Variants in PRKAG2 observed in about 807,000 individuals in gnomAD.
PRKAG2 encodes protein kinase AMP-activated non-catalytic subunit gamma 2.
In PRKAG2, 26 loss-of-function variants were observed where a neutral mutation model predicts 69.6. The ratio of observed to expected loss-of-function variants is 0.37; its 90% CI spans 0.27 to 0.52. The LOEUF is 0.52. PRKAG2 is among the 20% of genes least tolerant of loss of function. The pLI, the probability that PRKAG2 is intolerant of heterozygous loss-of-function variation, is 0.90. For synonymous variants in PRKAG2, 293 were observed against 285.0 expected (o/e 1.03, Z -0.28); for missense variants, 557 against 740.0 (o/e 0.75, Z 2.87).
rs1412912414 is a variant in PRKAG2, at chr7:151,736,193, C to G, written c.466+44959G>C. The stretch of plus-strand genomic sequence containing the variant: ...CCAGGGGGTCTTCAGGGCGACCTCA[C>G]CGCAGCCCCAGAGTCTGTGAGGCGC... On this transcript the variant is annotated intron_variant, in intron 3 of 15. Transcript: ENST00000287878. 2.8e-6 allele frequency: 4 copies of G among 1,416,622 alleles called. No individual in the cohort carries two copies. The African/African-American group carries it at 5.8e-5, about 20-fold the overall frequency. The allele number at this position is 1,416,622 out of a possible 1,614,324, so 87.8% of individuals were successfully genotyped here. A position where few individuals can be genotyped will look rare whatever the true frequency, so the allele number is the denominator to read the frequency against.
intron 1 of PRKAG2, among the ~76,000 whole-genome samples, chr7:151,815,562 G>A (rs2078616621): frequency 6.6e-6 from 1 of 152,162 alleles, no homozygotes; most frequent in Non-Finnish European, 1.5e-5. Flanking sequence ...TCTCTTGCCT[G>A]CATCTCCCCC....
intron 1 of PRKAG2, among the ~76,000 whole-genome samples, chr7:151,851,919 G>C (rs1241778693): frequency 6.6e-6 from 1 of 152,134 alleles, no homozygotes; most frequent in Non-Finnish European, 1.5e-5. Context: ...TCCTGCTCTG[G>C]TGAAGGGCTT....
intron 3 of PRKAG2, among the ~76,000 whole-genome samples, chr7:151,715,071 A>G (rs1795953113): frequency 6.8e-6 from 1 of 147,250 alleles, no homozygotes; most frequent in South Asian, 2.1e-4. Context: ...GCTGGAGTGC[A>G]CTGGTGTGAT....
At position 151,756,135 on chromosome 7, in the gene PRKAG2, C is replaced by A. The variant is rs1680398431; in HGVS notation, c.466+25017G>T. ...CGGCAGCCACAGGTCCCTCTGCCCC[C>A]AAAGCAGGTCTCGCCTCTGCACCAT... On this transcript the variant is annotated intron_variant, in intron 3 of 15. Transcript: ENST00000287878. This position sits in a 1 kb window ranked among gnomAD's most constrained non-coding sequence, Gnocchi z 4.9. Among the ~76,000 whole-genome samples, 1 of 152,168 alleles carries A rather than the reference C, an allele frequency of 6.6e-6. No homozygotes were observed. The highest frequency in any genetic ancestry group is 6.5e-5 in the Admixed American group (1 of 15,282).
intron 1 of PRKAG2, among the ~76,000 whole-genome samples, chr7:151,792,157 C>T (rs1055762820): frequency 6.6e-6 from 1 of 152,164 alleles, no homozygotes; most frequent in Non-Finnish European, 1.5e-5. Context: ...AACAAGTATC[C>T]TTGGCACAGT....
intron 3 of PRKAG2, among the ~76,000 whole-genome samples, chr7:151,734,848 C>CTTTTTTTTTTTT (rs35008070): frequency 2.2e-5 from 2 of 90,082 alleles, no homozygotes; most frequent in African/African-American, 1.0e-4. Context: ...AAATCTGATT[C>CTTTTTTTTTTTT]TTTTTTTTTT....
chr7:151,722,679 C>T (rs897381489), intron 3 of PRKAG2, among the ~76,000 whole-genome samples: 3 of 152,106 alleles, frequency 2.0e-5, no homozygotes, highest in Non-Finnish European at 2.9e-5. Context: ...CTGCGAGGTT[C>T]GTGTGCAAGG....
chr7:151,832,596 G>GGT (rs1554614837), intron 1 of PRKAG2, among the ~76,000 whole-genome samples: 2 of 1,092 alleles, frequency 1.8e-3, no homozygotes, highest in Non-Finnish European at 0.053. Flanking sequence ...AGGCATCTCT[G>GGT]GGGGGGGGGT....
intron 4 of PRKAG2, among the ~76,000 whole-genome samples, chr7:151,642,221 T>G (rs188884825): frequency 6.6e-6 from 1 of 150,866 alleles, no homozygotes; most frequent in Non-Finnish European, 1.5e-5. Flanking sequence ...CAGGCACCTG[T>G]AGTCCCAGCT....
At chr7:151,802,617 C>T (rs2151840439) in intron 1 of PRKAG2, among the ~76,000 whole-genome samples, 1 of 152,326 alleles carries the variant, frequency 6.6e-6, no homozygotes, top group African/African-American at 2.4e-5. Flanking sequence ...TAGGTCAGTT[C>T]TCCCCAGGCT....
In PRKAG2 at chr7:151,741,879, T is replaced by C. The variant is rs961836127; in HGVS notation, c.466+39273A>G. Among the ~76,000 whole-genome samples the C allele has an allele frequency of 8.5e-5, 13 of 152,274 alleles. No individual in the cohort carries two copies. The East Asian group carries it at 2.1e-3, about 25-fold the overall frequency. On this transcript the variant is annotated intron_variant, in intron 3 of 15. Transcript: ENST00000287878. The stretch of plus-strand genomic sequence containing the variant: ...TGAAGGGATGAGGTGCTACAAATAA[T>C]TCGGAGAAATTCCTGTCCTCTAAGA...
At chr7:151,678,017 T>A (rs1476598463) in intron 3 of PRKAG2, among the ~76,000 whole-genome samples, 1 of 152,140 alleles carries the variant, frequency 6.6e-6, no homozygotes, top group Non-Finnish European at 1.5e-5. Flanking sequence ...CTGCGTCACC[T>A]ACAGAGCCAC....
At chr7:151,629,544 A>G (rs1293472511) in intron 5 of PRKAG2, among the ~76,000 whole-genome samples, 2 of 152,216 alleles carry the variant, frequency 1.3e-5, no homozygotes, top group Non-Finnish European at 2.9e-5. Flanking sequence ...ACAGCAGAAA[A>G]GGGATGGCAG....
intron 3 of PRKAG2, among the ~76,000 whole-genome samples, chr7:151,706,170 C>A (rs1037776440): frequency 6.6e-6 from 1 of 152,248 alleles, no homozygotes; most frequent in Non-Finnish European, 1.5e-5. Flanking sequence ...CAAGGCCACA[C>A]AGCTGGCTGG....
Position 151,632,582 on chromosome 7 carries a change from C to T in PRKAG2, c.685-444G>A, listed in dbSNP as rs1824936876. The T allele has an allele frequency of 4.1e-6, 4 of 983,738 alleles. 1 individual carries two copies. The highest frequency in any genetic ancestry group is 9.4e-5 in the South Asian group (2 of 21,272). 60.9% of individuals were successfully genotyped at this position (983,738 alleles called of 1,614,324 possible). ...CCGGCGCCGCTCACCTTCCCAGCAC[C>T]GGCGGCCGCGCTCGGCAGGCTCCAC... is the stretch of plus-strand genomic sequence containing the variant. On this transcript the variant is annotated intron_variant, in intron 4 of 15. Coordinates refer to ENST00000287878, the MANE Select transcript of PRKAG2 (RefSeq NM_016203.4). This position sits in a 1 kb window ranked among gnomAD's most constrained non-coding sequence, Gnocchi z 4.2.
At chr7:151,673,904 G>A (rs1161412543) in intron 4 of PRKAG2, among the ~76,000 whole-genome samples, 5 of 147,022 alleles carry the variant, frequency 3.4e-5, no homozygotes, top group Non-Finnish European at 7.4e-5. Flanking sequence ...GTGCAGTGGT[G>A]CAATCTCGGC....
intron 15 of PRKAG2, chr7:151,559,698 A>AACTAC: frequency 1.2e-5 from 12 of 985,434 alleles, no homozygotes; most frequent in Non-Finnish European, 1.4e-5. Context: ...AACTAAAGAG[A>AACTAC]AATCAATACT....
intron 1 of PRKAG2, among the ~76,000 whole-genome samples, chr7:151,855,531 TCC>T (rs1231655621): frequency 4.3e-5 from 5 of 115,952 alleles, no homozygotes; most frequent in Admixed American, 8.8e-5. Context: ...CACACCGCCC[TCC>T]ACACACACCA....
intron 1 of PRKAG2, among the ~76,000 whole-genome samples, chr7:151,838,845 T>C (rs2079209987): frequency 1.3e-5 from 2 of 151,706 alleles, no homozygotes; most frequent in Admixed American, 6.6e-5. Flanking sequence ...TGAAACCCCA[T>C]CTCTACTAAA....
Sources: allele counts gnomAD v4.1 joint callset (sites outside exome capture counted in the v4.1 genomes callset), GRCh38; gene constraint gnomAD v4.1.1; non-coding constraint Gnocchi (gnomAD v3.1); transcripts MANE v1.5; gene names NCBI Gene and HGNC (gene_info 2026-07-23, HGNC 2026-07-21).